Variants in STAU2 observed in about 807,000 individuals in gnomAD.
STAU2 encodes the protein staufen double-stranded RNA binding protein 2, also known as double-stranded RNA-binding protein Staufen homolog 2.
In STAU2, 20 loss-of-function variants were observed where a neutral mutation model predicts 65.9. That is an observed-to-expected ratio of 0.30 (90% confidence interval 0.21 to 0.44). STAU2 has a LOEUF of 0.44. Ranked by LOEUF, STAU2 falls within the 20% of genes least tolerant of loss-of-function variation. STAU2 has a pLI of 1.00. For synonymous variants in STAU2, 232 were observed against 233.9 expected (o/e 0.99, Z 0.07); for missense variants, 558 against 683.9 (o/e 0.82, Z 2.05).
intron 6 of STAU2, among the ~76,000 whole-genome samples, chr8:73,625,175 A>T (rs55730288): frequency 5.9e-5 from 9 of 152,046 alleles, no homozygotes; most frequent in Non-Finnish European, 1.2e-4. Context: ...AAAAATTAAA[A>T]GCAGAATTAC....
At chr8:73,447,361 T>C (rs1818522415) in intron 13 of STAU2, among the ~76,000 whole-genome samples, 1 of 152,214 alleles carries the variant, frequency 6.6e-6, no homozygotes, top group African/African-American at 2.4e-5. Context: ...ATCTTGGACA[T>C]CTTTTCAAGA....
intron 12 of STAU2, among the ~76,000 whole-genome samples, chr8:73,576,652 A>AT (rs1004020506): frequency 3.9e-5 from 6 of 152,192 alleles, no homozygotes; most frequent in Admixed American, 2.6e-4. Context: ...TTCATAAGTT[A>AT]TATAAGTGTT....
In STAU2 at chr8:73,709,125, T is replaced by C. The variant is rs1280874885; in HGVS notation, c.21A>G (p.Lys7=). 5 of 1,531,736 alleles carry C rather than the reference T, an allele frequency of 3.3e-6. No individual in the cohort carries two copies. The highest frequency in any genetic ancestry group is 4.4e-6 in the Non-Finnish European group (5 of 1,143,980). The allele number at this position is 1,531,736 out of a possible 1,614,324, so 94.9% of individuals were successfully genotyped here. The change falls in exon 4 of 15, where the codon AAA becomes AAG. Residue 7 remains lysine, a synonymous_variant. Transcript: ENST00000524300. ...ACTCATTTACCAGACACATTGCAGT[T>C]TTCTCTTTTGGGTTTGCCATTTTAT... MANPKE[K]TAMCLVNELA...
At chr8:73,650,328 T>TG (rs1403511811) in intron 6 of STAU2, among the ~76,000 whole-genome samples, 1 of 152,104 alleles carries the variant, frequency 6.6e-6, no homozygotes, top group Non-Finnish European at 1.5e-5. Flanking sequence ...AAACCACAAC[T>TG]ATAATTTTTT....
intron 13 of STAU2, among the ~76,000 whole-genome samples, chr8:73,444,876 A>G (rs760755956): frequency 6.6e-6 from 1 of 152,196 alleles, no homozygotes; most frequent in East Asian, 1.9e-4. Context: ...GGACACAGGG[A>G]CCACATGCTA....
chr8:73,623,961 G>A (rs71527220), intron 6 of STAU2, among the ~76,000 whole-genome samples: 1 of 152,202 alleles, frequency 6.6e-6, no homozygotes, highest in South Asian at 2.1e-4. Context: ...CTTTAAAAGA[G>A]GTGTATGGAT....
intron 13 of STAU2, among the ~76,000 whole-genome samples, chr8:73,517,271 A>G (rs1563397468): frequency 6.6e-6 from 1 of 152,040 alleles, no homozygotes; most frequent in Non-Finnish European, 1.5e-5. Flanking sequence ...AAGAAAAGAA[A>G]TTAGCTTATT....
chr8:73,500,901 G>A (rs1438312294), intron 13 of STAU2, among the ~76,000 whole-genome samples: 2 of 151,838 alleles, frequency 1.3e-5, no homozygotes, highest in African/African-American at 4.8e-5. Flanking sequence ...AATGGTTAGA[G>A]GCTAAAATCT....
intron 4 of STAU2, among the ~76,000 whole-genome samples, chr8:73,707,175 A>G (rs1452649930): frequency 6.6e-6 from 1 of 152,212 alleles, no homozygotes; most frequent in Non-Finnish European, 1.5e-5. Context: ...CCTACATAAA[A>G]GGCACACAAC....
chr8:73,528,723 A>C (rs2128931818), intron 13 of STAU2, among the ~76,000 whole-genome samples: 1 of 152,310 alleles, frequency 6.6e-6, no homozygotes, highest in South Asian at 2.1e-4. Context: ...GCTTAAGTGA[A>C]AATTTTGAAT....
At chr8:73,478,580 T>C (rs1249181271) in intron 13 of STAU2, among the ~76,000 whole-genome samples, 2 of 152,168 alleles carry the variant, frequency 1.3e-5, no homozygotes, top group South Asian at 4.1e-4. Flanking sequence ...AGTCACTTGA[T>C]AGCTAGAGTT....
intron 13 of STAU2, among the ~76,000 whole-genome samples, chr8:73,493,988 C>T (rs7018252): frequency 0.42 from 63,902 of 151,702 alleles, 14,497 homozygotes; most frequent in Non-Finnish European, 0.5. Flanking sequence ...ATTTCATTTA[C>T]ATAAGGGCTG....
intron 3 of STAU2, among the ~76,000 whole-genome samples, chr8:73,722,029 C>T (rs1019286356): frequency 8.6e-5 from 13 of 151,958 alleles, no homozygotes; most frequent in Non-Finnish European, 1.3e-4. Flanking sequence ...ATTTTATCTC[C>T]TTTTTATTGG....
At chr8:73,617,246 C>T in intron 7 of STAU2, 46 bp downstream of exon 7, 1 of 1,591,404 alleles carries the variant, frequency 6.3e-7, no homozygotes, top group Non-Finnish European at 8.5e-7. Flanking sequence ...ATTTGTTTCA[C>T]TGGGAAAGTA....
chr8:73,687,344 T>TTATATATATAAA (rs1563506820), intron 5 of STAU2, among the ~76,000 whole-genome samples: 3 of 85,252 alleles, frequency 3.5e-5, no homozygotes, highest in Admixed American at 3.6e-4. Flanking sequence ...TAATTTATAT[T>TTATATATATAAA]TATAATTTAT....
In STAU2 at chr8:73,455,895, T is replaced by C. The variant is rs1205853314; in HGVS notation, c.1531-33193A>G. Among the ~76,000 whole-genome samples the C allele has an allele frequency of 2.0e-5, 3 of 152,198 alleles. No homozygotes were observed. In the East Asian group the frequency reaches 5.8e-4, roughly 29 times the overall value. On this transcript the variant is annotated intron_variant, in intron 13 of 14. Coordinates refer to ENST00000524300, the MANE Select transcript of STAU2 (RefSeq NM_001164380.2). ...AACCTAAAACATAGTGGATGTTCAG[T>C]ACATATGAGATGGATGGACGGACGG... is the stretch of plus-strand genomic sequence containing the variant.
chr8:73,719,426 A>G (rs879822445), intron 3 of STAU2, among the ~76,000 whole-genome samples: 1 of 152,172 alleles, frequency 6.6e-6, no homozygotes, highest in Non-Finnish European at 1.5e-5. Context: ...TTTTTCACCA[A>G]TAAGTACAAG....
At chr8:73,721,721 C>T (rs951500842) in intron 3 of STAU2, among the ~76,000 whole-genome samples, 2 of 152,176 alleles carry the variant, frequency 1.3e-5, no homozygotes, top group Admixed American at 1.3e-4. Context: ...AATATAGCCA[C>T]TCCAAGTTGC....
At chr8:73,545,017 G>A (rs183928304) in intron 13 of STAU2, among the ~76,000 whole-genome samples, 2 of 152,300 alleles carry the variant, frequency 1.3e-5, no homozygotes, top group African/African-American at 4.8e-5. Flanking sequence ...ACTGCCCAGT[G>A]TGAGCAAACA....
Sources: allele counts gnomAD v4.1 joint callset (sites outside exome capture counted in the v4.1 genomes callset), GRCh38; gene constraint gnomAD v4.1.1; transcripts MANE v1.5; gene names NCBI Gene and HGNC (gene_info 2026-07-23, HGNC 2026-07-21).